Variants in FRMD6 observed in about 807,000 individuals in gnomAD.
FRMD6 encodes FERM domain-containing protein 6.
Under a neutral mutation model 73.2 loss-of-function variants are expected in FRMD6, and 37 were observed. The ratio of observed to expected loss-of-function variants is 0.51; its 90% CI spans 0.39 to 0.66. The LOEUF (loss-of-function observed/expected upper bound fraction) is 0.66, where lower values mean the gene tolerates loss of function less well. FRMD6 is among the 30% of genes least tolerant of loss of function. The pLI is 0.00. For missense variants in FRMD6, 714 were observed against 780.5 expected (o/e 0.91, Z 1.02); for synonymous variants, 273 against 282.2 (o/e 0.97, Z 0.33).
the FRMD6 span, among the ~76,000 whole-genome samples, chr14:51,401,044 G>A: frequency 1.3e-5 from 2 of 152,126 alleles, no homozygotes; most frequent in Admixed American, 1.3e-4. Context: ...ACTTTAAATA[G>A]CACTTTCAAA....
chr14:51,427,188 G>A, the FRMD6 span, among the ~76,000 whole-genome samples: 45 of 152,316 alleles, frequency 3.0e-4, no homozygotes, highest in Admixed American at 1.6e-3. Flanking sequence ...TCATGGGCTA[G>A]TTCCAACTGT....
chr14:51,425,835 T>C, the FRMD6 span, among the ~76,000 whole-genome samples: 4 of 152,216 alleles, frequency 2.6e-5, no homozygotes, highest in Non-Finnish European at 5.9e-5. Context: ...CATCTTTTCT[T>C]GTCTCTAGTC....
intron 1 of FRMD6, among the ~76,000 whole-genome samples, chr14:51,510,255 C>A (rs1339749117): frequency 2.6e-5 from 4 of 152,144 alleles, no homozygotes; most frequent in Non-Finnish European, 5.9e-5. Flanking sequence ...AAAGCAGAGG[C>A]TTTAAGAGGC....
chr14:51,704,561 C>A (rs1417999930), intron 5 of FRMD6, 188 bp from the exon 6 acceptor site: 14 of 541,846 alleles, frequency 2.6e-5, no homozygotes, highest in Non-Finnish European at 4.3e-5. Context: ...GGGGTTCTGA[C>A]CCCCTGCAAC....
chr14:51,671,894 A>G (rs1372322193), intron 1 of FRMD6, among the ~76,000 whole-genome samples: 1 of 152,248 alleles, frequency 6.6e-6, no homozygotes, highest in African/African-American at 2.4e-5. Flanking sequence ...ACACTGTGGA[A>G]TCTCAGTTAA....
At chr14:51,595,246 T>G (rs1401393386) in intron 2 of FRMD6, among the ~76,000 whole-genome samples, 1 of 152,196 alleles carries the variant, frequency 6.6e-6, no homozygotes, top group Admixed American at 6.5e-5. Flanking sequence ...ACTTTCAGAG[T>G]ACCACTTTTA....
chr14:51,413,175 A>G, the FRMD6 span, among the ~76,000 whole-genome samples: 1 of 151,860 alleles, frequency 6.6e-6, no homozygotes, highest in Non-Finnish European at 1.5e-5. Context: ...ATTTTTTAAT[A>G]TACTTTTAAG....
chr14:51,693,077 G>A (rs964698172), intron 2 of FRMD6, among the ~76,000 whole-genome samples: 9 of 152,152 alleles, frequency 5.9e-5, no homozygotes, highest in South Asian at 2.1e-4. Flanking sequence ...TAGAATAATC[G>A]AAGAGTAGTA....
chr14:51,469,618 G>GAAAAAAAA, the FRMD6 span, among the ~76,000 whole-genome samples: 9 of 96,764 alleles, frequency 9.3e-5, no homozygotes, highest in Non-Finnish European at 1.7e-4. Context: ...ATTTCAAAAA[G>GAAAAAAAA]AAAAAAAAAA....
At chr14:51,648,850 G>A (rs1437984598), upstream of FRMD6, among the ~76,000 whole-genome samples, 2 of 152,210 alleles carry the variant, frequency 1.3e-5, no homozygotes, top group Non-Finnish European at 2.9e-5. Flanking sequence ...AAGCAAAAAT[G>A]TAGAGTTGTG....
At chr14:51,726,255 A>T (rs527443012) in intron 13 of FRMD6, among the ~76,000 whole-genome samples, 46 of 152,288 alleles carry the variant, frequency 3.0e-4, no homozygotes, top group African/African-American at 1.1e-3. Flanking sequence ...TATTCCATTC[A>T]GATTGAATTT....
At position 51,703,730 on chromosome 14, in the gene FRMD6, A is replaced by T. The variant is rs551762458; in HGVS notation, c.372-1019A>T. 3.7e-4 allele frequency among the ~76,000 whole-genome samples: 56 copies of T among 152,120 alleles called. 1 individual carries two copies. In the South Asian group the frequency reaches 0.012, roughly 32 times the overall value. The stretch of plus-strand genomic sequence containing the variant: ...GAAAAGTACTCTGTCCTAAGGGGGG[A>T]AAATTTACATAAATGCTTTATTTTT... On this transcript the variant is annotated intron_variant, in intron 5 of 13. Coordinates refer to ENST00000344768, the MANE Select transcript of FRMD6 (RefSeq NM_001267046.2).
the FRMD6 span, among the ~76,000 whole-genome samples, chr14:51,425,673 G>A: frequency 6.6e-6 from 1 of 152,144 alleles, no homozygotes; most frequent in Non-Finnish European, 1.5e-5. Flanking sequence ...GTGTATGGCT[G>A]CAGTCTCCTC....
the FRMD6 span, among the ~76,000 whole-genome samples, chr14:51,421,547 C>G: frequency 6.6e-6 from 1 of 152,190 alleles, no homozygotes; most frequent in South Asian, 2.1e-4. Context: ...ATATAAGGAA[C>G]TTCCTGGAGG....
intron 1 of FRMD6, among the ~76,000 whole-genome samples, chr14:51,569,575 C>A (rs1278118422): frequency 1.1e-4 from 16 of 145,950 alleles, no homozygotes; most frequent in Admixed American, 9.7e-4. Flanking sequence ...GTGAACACAG[C>A]TCATTGCAGA....
At chr14:51,721,276 A>T (rs928438445) in intron 11 of FRMD6, among the ~76,000 whole-genome samples, 1 of 152,230 alleles carries the variant, frequency 6.6e-6, no homozygotes, top group Non-Finnish European at 1.5e-5. Context: ...TGGGCAAATT[A>T]TAGTATTAAA....
At position 51,499,455 on chromosome 14, in the gene FRMD6, A is replaced by G. The variant is rs549442179; in HGVS notation, c.-210+10035A>G. 6.6e-5 allele frequency among the ~76,000 whole-genome samples: 10 copies of G among 152,388 alleles called. No homozygotes were observed. The South Asian group carries it at 2.1e-3, about 32-fold the overall frequency. On this transcript the variant is annotated intron_variant, in intron 1 of 14. Transcript: ENST00000356218. ...TTTTGTGTTAAGTGTGAGACATTGTATAAAAGCTTCAACTACATTAACTTA... is the reference window on the plus strand; with the variant it reads ...TTTTGTGTTAAGTGTGAGACATTGTGTAAAAGCTTCAACTACATTAACTTA...
At chr14:51,666,094 G>A (rs535126848) in intron 1 of FRMD6, among the ~76,000 whole-genome samples, 7 of 152,316 alleles carry the variant, frequency 4.6e-5, no homozygotes, top group South Asian at 2.1e-4. Flanking sequence ...GAAGTAGAAC[G>A]TAATCAAAAT....
chr14:51,503,530 G>C (rs939624352), intron 1 of FRMD6, among the ~76,000 whole-genome samples: 1 of 152,072 alleles, frequency 6.6e-6, no homozygotes, highest in African/African-American at 2.4e-5. Context: ...TTATTGATTT[G>C]CACATGTTGA....
Sources: allele counts gnomAD v4.1 joint callset (sites outside exome capture counted in the v4.1 genomes callset), GRCh38; gene constraint gnomAD v4.1.1; transcripts MANE v1.5; gene names NCBI Gene and HGNC (gene_info 2026-07-23, HGNC 2026-07-21).